CDKAL1: variants seen among roughly 807,000 people sequenced by gnomAD.
The protein encoded by CDKAL1 is threonylcarbamoyladenosine tRNA methylthiotransferase.
Under a neutral mutation model 68.2 loss-of-function variants are expected in CDKAL1, and 32 were observed. The ratio of observed to expected loss-of-function variants is 0.47; its 90% CI spans 0.35 to 0.63. The LOEUF (loss-of-function observed/expected upper bound fraction) is 0.63, where lower values mean the gene tolerates loss of function less well. Among genes scored for constraint, CDKAL1 ranks in the 30% least tolerant of loss-of-function variants. CDKAL1 has a pLI of 0.00. For synonymous variants in CDKAL1, 234 were observed against 244.3 expected, an observed-to-expected ratio of 0.96 and a Z score of 0.39; for missense variants, 606 against 696.7, an observed-to-expected ratio of 0.87 and a Z score of 1.47.
intron 4 of CDKAL1, among the ~76,000 whole-genome samples, chr6:20,619,777 G>T (rs190140991): frequency 3.7e-4 from 57 of 152,278 alleles, no homozygotes; most frequent in Admixed American, 1.2e-3. Flanking sequence ...TTCCAAAAAA[G>T]ATTTAATGAG....
chr6:20,868,095 GAC>G (rs1760003890), intron 9 of CDKAL1, among the ~76,000 whole-genome samples: 1 of 152,056 alleles, frequency 6.6e-6, no homozygotes, highest in Non-Finnish European at 1.5e-5. Context: ...TTAGTTCAGA[GAC>G]ACACATAGGC....
At chr6:20,719,933 G>A (rs975145992) in intron 5 of CDKAL1, among the ~76,000 whole-genome samples, 7 of 152,176 alleles carry the variant, frequency 4.6e-5, no homozygotes, top group Non-Finnish European at 8.8e-5. Context: ...AGCCTGGTAC[G>A]TATTTTAAAT....
At chr6:20,536,072 G>A (rs1276589810) in intron 2 of CDKAL1, among the ~76,000 whole-genome samples, 2 of 150,806 alleles carry the variant, frequency 1.3e-5, no homozygotes, top group Non-Finnish European at 2.9e-5. Context: ...GGGACTACAG[G>A]TGCATGCCAC....
chr6:20,661,936 C>T (rs1769302885), intron 5 of CDKAL1, among the ~76,000 whole-genome samples: 1 of 152,080 alleles, frequency 6.6e-6, no homozygotes, highest in African/African-American at 2.4e-5. Context: ...GTGGAGGCTC[C>T]AGAAAGCATG....
chr6:20,667,524 TAAC>T (rs1193424803), intron 5 of CDKAL1, among the ~76,000 whole-genome samples: 7 of 152,234 alleles, frequency 4.6e-5, no homozygotes, highest in African/African-American at 1.4e-4. Context: ...CTATCTGAGG[TAAC>T]AAGAAATCTT....
At chr6:20,974,401 G>T (rs1765741656) in intron 10 of CDKAL1, among the ~76,000 whole-genome samples, 1 of 152,164 alleles carries the variant, frequency 6.6e-6, no homozygotes, top group Non-Finnish European at 1.5e-5. Context: ...TATTACTGAA[G>T]AAGAGAGAAG....
intron 11 of CDKAL1, among the ~76,000 whole-genome samples, chr6:21,033,805 C>T (rs976136015): frequency 7.2e-5 from 11 of 152,098 alleles, no homozygotes; most frequent in African/African-American, 2.2e-4. Flanking sequence ...CTCAAATGAA[C>T]AGTTAAGAAA....
chr6:20,605,840 T>G (rs1728595159), intron 4 of CDKAL1, among the ~76,000 whole-genome samples: 2 of 152,198 alleles, frequency 1.3e-5, no homozygotes, highest in Non-Finnish European at 1.5e-5. Context: ...AGGTCATTCT[T>G]TCCCCAGCTT....
intron 9 of CDKAL1, among the ~76,000 whole-genome samples, chr6:20,874,481 T>C (rs1213653754): frequency 6.6e-6 from 1 of 151,918 alleles, no homozygotes; most frequent in East Asian, 1.9e-4. Context: ...TTTTTTTTTG[T>C]ATTTTTATTT....
At chr6:20,630,397 A>G (rs1426753336) in intron 4 of CDKAL1, among the ~76,000 whole-genome samples, 1 of 151,494 alleles carries the variant, frequency 6.6e-6, no homozygotes, top group African/African-American at 2.4e-5. Context: ...TATCAGTCCC[A>G]CCTATTGTCT....
chr6:20,882,624 C>T (rs1424959247), intron 9 of CDKAL1, among the ~76,000 whole-genome samples: 1 of 152,132 alleles, frequency 6.6e-6, no homozygotes, highest in Non-Finnish European at 1.5e-5. Flanking sequence ...CATGTTCATT[C>T]CTTTTTATTG....
intron 9 of CDKAL1, among the ~76,000 whole-genome samples, chr6:20,896,098 CTTTTCTTTTTTTTTT>C (rs1761671407): frequency 1.9e-5 from 2 of 104,128 alleles, no homozygotes; most frequent in African/African-American, 6.9e-5. Context: ...CTTTTCTTTT[CTTTTCTTTTTTTTTT>C]TTTTTTGAGA....
chr6:21,158,223 C>T (rs1582322045), intron 13 of CDKAL1, among the ~76,000 whole-genome samples: 2 of 152,242 alleles, frequency 1.3e-5, no homozygotes, highest in Admixed American at 1.3e-4. Flanking sequence ...TTTCTTTTTT[C>T]TGCTTTCATC....
chr6:20,995,035 T>C (rs990349706), intron 10 of CDKAL1, among the ~76,000 whole-genome samples: 1 of 152,242 alleles, frequency 6.6e-6, no homozygotes, highest in African/African-American at 2.4e-5. Flanking sequence ...CAGGAATACA[T>C]TCCATCTCGA....
chr6:20,675,700 T>A (rs1418975714), intron 5 of CDKAL1, among the ~76,000 whole-genome samples: 1 of 152,196 alleles, frequency 6.6e-6, no homozygotes, highest in African/African-American at 2.4e-5. Flanking sequence ...TACATAATAC[T>A]TGATGATGAT....
intron 15 of CDKAL1, among the ~76,000 whole-genome samples, chr6:21,222,935 G>A (rs142304764): frequency 6.8e-4 from 103 of 152,226 alleles, no homozygotes; most frequent in African/African-American, 2.3e-3. Flanking sequence ...CGCATCAAGT[G>A]TGTGTGCATG....
intron 11 of CDKAL1, among the ~76,000 whole-genome samples, chr6:21,047,094 G>GTT (rs201348924): frequency 9.7e-4 from 142 of 145,868 alleles, no homozygotes; most frequent in African/African-American, 2.5e-3. Context: ...GATTTTTTGT[G>GTT]TTTTTTTTTT....
intron 4 of CDKAL1, among the ~76,000 whole-genome samples, chr6:20,617,926 T>C (rs1766995755): frequency 6.6e-6 from 1 of 152,236 alleles, no homozygotes; most frequent in Non-Finnish European, 1.5e-5. Flanking sequence ...CCTCTGAGTA[T>C]ATACTCAGTA....
At chr6:20,955,310 C>A in intron 9 of CDKAL1, 109 bp from the exon 10 acceptor site, 1 of 1,100,810 alleles carries the variant, frequency 9.1e-7, no homozygotes, top group Non-Finnish European at 1.3e-6. Flanking sequence ...AATACCCAGA[C>A]TGCCTGAATA....
Sources: allele counts gnomAD v4.1 joint callset (sites outside exome capture counted in the v4.1 genomes callset), GRCh38; gene constraint gnomAD v4.1.1; transcripts MANE v1.5; gene names NCBI Gene and HGNC (gene_info 2026-07-23, HGNC 2026-07-21).